The following ZBTB5 variants were observed in gnomAD, a reference collection of about 807,000 sequenced individuals.
ZBTB5 encodes zinc finger and BTB domain containing 5.
A neutral mutation model predicts 37.9 loss-of-function variants in ZBTB5; 15 were observed. The observed-to-expected ratio is 0.40, with a 90% CI of 0.26 to 0.61. The LOEUF is 0.61. Ranked by LOEUF, ZBTB5 falls within the 20% of genes least tolerant of loss-of-function variation. The pLI is 0.47. For synonymous variants in ZBTB5, 315 were observed against 312.4 expected, an observed-to-expected ratio of 1.01 and a Z score of -0.09; for missense variants, 708 against 856.8, an observed-to-expected ratio of 0.83 and a Z score of 2.17.
intron 1 of ZBTB5, among the ~76,000 whole-genome samples, chr9:37,447,600 T>C (rs996793456): frequency 1.3e-5 from 2 of 152,130 alleles, no homozygotes; most frequent in Non-Finnish European, 2.9e-5. Context: ...ACAGGTATAA[T>C]AACAGTAATT....
Position 37,441,780 on chromosome 9 carries a change from TC to T in ZBTB5, c.771del (p.Ile258SerfsTer68), listed in dbSNP as rs771497439. On this transcript the variant is annotated frameshift_variant, in exon 2 of 2. Coordinates refer to ENST00000307750, the MANE Select transcript of ZBTB5 (RefSeq NM_014872.3). LOFTEE classifies it high-confidence loss of function. The part of the protein sequence containing the change: ...DGMTDNQEDS[A>X]IMFDQSFGTQ... ...GTGCCAAAAGACTGATCAAACATGA[TC>T]GCACTATCTTCCTGGTTATCAGTCA... is the stretch of plus-strand genomic sequence containing the variant. 1 of 1,613,998 alleles carries T rather than the reference TC, an allele frequency of 6.2e-7. No homozygotes were observed. The highest frequency in any genetic ancestry group is 8.5e-7 in the Non-Finnish European group (1 of 1,179,962).
intron 1 of ZBTB5, among the ~76,000 whole-genome samples, chr9:37,462,233 G>A (rs1192247079): frequency 6.6e-6 from 1 of 152,128 alleles, no homozygotes; most frequent in Admixed American, 6.6e-5. Flanking sequence ...TTAAGCTATG[G>A]CATAATGCTT....
In ZBTB5 at chr9:37,440,446, A is replaced by T; in HGVS notation, c.*72T>A. 7.2e-7 allele frequency: 1 copy of T among 1,384,674 alleles called. No homozygotes were observed. Among genetic ancestry groups the T allele is most frequent in the Non-Finnish European group, 1.0e-6 (1 of 1,003,734 alleles). The allele number at this position is 1,384,674 out of a possible 1,614,324, so 85.8% of individuals were successfully genotyped here. A position where few individuals can be genotyped will look rare whatever the true frequency, so the allele number is the denominator to read the frequency against. ...GGGCAGCTGGAAGCCTCGAACCCAA[A>T]GGCATTAACTGCTTACCAAAAGAAA... is the stretch of plus-strand genomic sequence containing the variant. On this transcript the variant is annotated 3_prime_UTR_variant, in exon 2 of 2. Coordinates refer to ENST00000307750, the MANE Select transcript of ZBTB5 (RefSeq NM_014872.3).
intron 1 of ZBTB5, among the ~76,000 whole-genome samples, chr9:37,460,380 G>C (rs1275055870): frequency 6.6e-6 from 1 of 151,942 alleles, no homozygotes; most frequent in Non-Finnish European, 1.5e-5. Flanking sequence ...AGGTTGCAGT[G>C]AGCCAAGATC....
intron 1 of ZBTB5, among the ~76,000 whole-genome samples, chr9:37,452,922 G>A (rs193150383): frequency 2.0e-5 from 3 of 152,308 alleles, no homozygotes; most frequent in Admixed American, 2.0e-4. Context: ...GCTATAGGAT[G>A]GGTGCACAGA....
At position 37,440,909 on chromosome 9, in the gene ZBTB5, AC is replaced by A. The variant is rs1327291242; in HGVS notation, c.1642del (p.Val548SerfsTer15). 1 of 1,614,186 alleles carries A rather than the reference AC, an allele frequency of 6.2e-7. No homozygotes were observed. The highest frequency in any genetic ancestry group is 8.5e-7 in the Non-Finnish European group (1 of 1,180,044). ...GTTTTCTGGGATCTGTGAGCTCCTGACGGAAGTTACAACTGGCATTTTGGGA... is the reference window on the plus strand; with the variant it reads ...GTTTTCTGGGATCTGTGAGCTCCTGAGGAAGTTACAACTGGCATTTTGGGA... ...IAPKMPVVTS[V>X]RSSQIPENST... On this transcript the variant is annotated frameshift_variant, in exon 2 of 2. Coordinates refer to ENST00000307750, the MANE Select transcript of ZBTB5 (RefSeq NM_014872.3). LOFTEE classifies it high-confidence loss of function.
In ZBTB5 at chr9:37,440,694, T is replaced by A. The variant is rs1443514485; in HGVS notation, c.1858A>T (p.Lys620Ter). ...ARKYACKICCKTFLTLTDCKK... is the reference protein window; with the variant it reads ...ARKYACKICC ...CAATCTGTCAAAGTCAGAAAAGTTT[T>A]GCAGCAGATTTTGCAGGCATACTTG... Residue 620 changes from lysine to a stop codon, truncating the protein, a stop_gained, in exon 2 of 2, where the codon AAA becomes TAA. Transcript: ENST00000307750. LOFTEE classifies it high-confidence loss of function. 2.5e-6 allele frequency: 4 copies of A among 1,614,276 alleles called. No individual in the cohort carries two copies. Among genetic ancestry groups the A allele is most frequent in the Non-Finnish European group, 3.4e-6 (4 of 1,180,044 alleles).
In ZBTB5 at chr9:37,441,735, G is replaced by C; in HGVS notation, c.817C>G (p.Pro273Ala). ...SFGTQEDAQVPSQSDNSAGNM... is the reference protein window; with the variant it reads ...SFGTQEDAQVASQSDNSAGNM... ...CCAGCACTGTTATCAGACTGGCTGG[G>C]CACCTGGGCATCTTCTTGAGTGCCA... Residue 273 changes from proline (P) to alanine (A), a missense_variant, in exon 2 of 2, where the codon CCC (proline) becomes GCC (alanine). Pro to Ala is a conservative substitution (Grantham distance 27). Around this residue, in one of 3 missense-constraint regions of ZBTB5, gnomAD observed 639 missense variants for 690.5 expected, o/e 0.93. Transcript: ENST00000307750. 6.2e-7 allele frequency: 1 copy of C among 1,613,954 alleles called. No homozygotes were observed. The highest frequency in any genetic ancestry group is 2.2e-5 in the East Asian group (1 of 44,868).
At chr9:37,455,120 A>C (rs1380698083) in intron 1 of ZBTB5, among the ~76,000 whole-genome samples, 1 of 152,168 alleles carries the variant, frequency 6.6e-6, no homozygotes, top group Non-Finnish European at 1.5e-5. Flanking sequence ...ACACCATGCT[A>C]TCCTGTACAC....
In ZBTB5 at chr9:37,442,367, A is replaced by C. The variant is rs1347180405; in HGVS notation, c.185T>G (p.Met62Arg). 1 of 1,613,992 alleles carries C rather than the reference A, an allele frequency of 6.2e-7. No homozygotes were observed. Among genetic ancestry groups the C allele is most frequent in the Admixed American group, 1.7e-5 (1 of 59,998 alleles). ...CTCGCTATCCAGCTGGATCATGTTCATGGTCTGATCTCCTTCTGCCACTGA... is the reference window on the plus strand; with the variant it reads ...CTCGCTATCCAGCTGGATCATGTTCCTGGTCTGATCTCCTTCTGCCACTGA... ...LFSVAEGDQTMNMIQLDSEVV... is the reference protein window; with the variant it reads ...LFSVAEGDQTRNMIQLDSEVV... The change falls in exon 2 of 2, where the codon ATG becomes AGG. Residue 62 changes from methionine (M) to arginine (R), a missense_variant. Around this residue, in one of 3 missense-constraint regions of ZBTB5, gnomAD observed 639 missense variants for 690.5 expected, o/e 0.93. Coordinates refer to ENST00000307750, the MANE Select transcript of ZBTB5 (RefSeq NM_014872.3).
At chr9:37,462,166 G>C (rs1046069943) in intron 1 of ZBTB5, among the ~76,000 whole-genome samples, 1 of 152,080 alleles carries the variant, frequency 6.6e-6, no homozygotes, top group African/African-American at 2.4e-5. Context: ...TTAAATCTAA[G>C]ATGTCTGTGA....
intron 1 of ZBTB5, among the ~76,000 whole-genome samples, chr9:37,448,271 G>A (rs1431969819): frequency 1.3e-5 from 2 of 152,074 alleles, no homozygotes; most frequent in African/African-American, 4.8e-5. Flanking sequence ...AAACACTTTA[G>A]GGATGCTTGG....
intron 1 of ZBTB5, among the ~76,000 whole-genome samples, chr9:37,445,577 C>G (rs745710481): frequency 2.7e-5 from 4 of 149,260 alleles, no homozygotes; most frequent in Non-Finnish European, 5.9e-5. Context: ...AGCCCGGAGT[C>G]AGAACTTGCA....
chr9:37,441,699 G>C lies in ZBTB5; in HGVS notation c.853C>G (p.Gln285Glu). 6.2e-7 allele frequency: 1 copy of C among 1,613,950 alleles called. No homozygotes were observed. The highest frequency in any genetic ancestry group is 8.5e-7 in the Non-Finnish European group (1 of 1,179,978). The change falls in exon 2 of 2, where the codon CAG (glutamine) becomes GAG (glutamate). Residue 285 changes from glutamine to glutamate, a missense_variant. By Grantham distance (29) the Gln-to-Glu change is conservative. This residue lies in a region of ZBTB5 where 639 missense variants were observed against 690.5 expected (regional missense o/e 0.93). Transcript: ENST00000307750. ...GTTGCACGAGAGGCCATGGACAACT[G>C]TGCCATGTTGCCAGCACTGTTATCA... ...QSDNSAGNMA[Q>E]LSMASRATQV...
chr9:37,455,913 C>G (rs567381884), intron 1 of ZBTB5, among the ~76,000 whole-genome samples: 56 of 151,710 alleles, frequency 3.7e-4, no homozygotes, highest in Non-Finnish European at 7.4e-4. Context: ...TCAAGCAATC[C>G]TCCTACCACA....
chr9:37,440,331 C>G lies in ZBTB5; in HGVS notation c.*187G>C. The G allele has an allele frequency of 1.7e-6, 1 of 584,844 alleles. No individual in the cohort carries two copies. The highest frequency in any genetic ancestry group is 2.3e-5 in the South Asian group (1 of 43,516). 36.2% of individuals were successfully genotyped at this position (584,844 alleles called of 1,614,324 possible). On this transcript the variant is annotated 3_prime_UTR_variant, in exon 2 of 2. Transcript: ENST00000307750. ...GGTTTCAGGGATTGCATCCCTTTCCCAAGACGTGCACTTCACTCAGAAATG... is the reference window on the plus strand; with the variant it reads ...GGTTTCAGGGATTGCATCCCTTTCCGAAGACGTGCACTTCACTCAGAAATG...
chr9:37,461,147 C>G (rs1362960222), intron 1 of ZBTB5, among the ~76,000 whole-genome samples: 1 of 152,130 alleles, frequency 6.6e-6, no homozygotes, highest in Non-Finnish European at 1.5e-5. Context: ...ATCTAAGTAA[C>G]TTAAATGTGT....
At chr9:37,461,403 G>A (rs905844433) in intron 1 of ZBTB5, among the ~76,000 whole-genome samples, 3 of 152,140 alleles carry the variant, frequency 2.0e-5, no homozygotes, top group Admixed American at 1.3e-4. Context: ...AAAAAGGGGA[G>A]CAACTCACCC....
chr9:37,456,076 G>C (rs1213766615), intron 1 of ZBTB5, among the ~76,000 whole-genome samples: 2 of 151,796 alleles, frequency 1.3e-5, no homozygotes, highest in Non-Finnish European at 2.9e-5. Context: ...TCAGCCTCCT[G>C]GGTAGCTGGG....
Sources: gnomAD v4.1 joint callset for allele counts (sites outside exome capture counted in the v4.1 genomes callset) on GRCh38, gnomAD v4.1.1 for gene constraint, gnomAD v4.1.1 regional missense constraint, MANE v1.5 for transcripts, NCBI Gene and HGNC (gene_info 2026-07-23, HGNC 2026-07-21) for gene names.